Variants in ANKIB1 observed in about 807,000 individuals in gnomAD.
ANKIB1 encodes the protein ankyrin repeat and IBR domain containing 1.
Under a neutral mutation model 122.1 loss-of-function variants are expected in ANKIB1, and 43 were observed. The ratio of observed to expected loss-of-function variants is 0.35; its 90% confidence interval spans 0.28 to 0.45. The LOEUF (loss-of-function observed/expected upper bound fraction) is 0.45. Among genes scored for constraint, ANKIB1 ranks in the 20% least tolerant of loss-of-function variants. The probability of loss-of-function intolerance (pLI) is 1.00; values close to 1 mark genes in which losing one functional copy is unlikely to be tolerated. For missense variants in ANKIB1, 992 were observed against 1,329.5 expected, an observed-to-expected ratio of 0.75 and a Z score of 3.95; for synonymous variants, 390 against 442.0, an observed-to-expected ratio of 0.88 and a Z score of 1.48.
At chr7:92,253,052 A>G (rs1048847422) in intron 1 of ANKIB1, among the ~76,000 whole-genome samples, 2 of 152,174 alleles carry the variant, frequency 1.3e-5, no homozygotes, top group Non-Finnish European at 2.9e-5. Flanking sequence ...TTGTATACAC[A>G]CACATAGGCA....
At chr7:92,386,294 C>G (rs1367312691) in intron 11 of ANKIB1, among the ~76,000 whole-genome samples, 1 of 151,990 alleles carries the variant, frequency 6.6e-6, no homozygotes, top group African/African-American at 2.4e-5. Context: ...TTAATATATC[C>G]CTATAAACAA....
At position 92,294,770 on chromosome 7, in the gene ANKIB1, A is replaced by G. The variant is rs148610597; in HGVS notation, c.-90-119A>G. 126 of 456,028 alleles carry G rather than the reference A, an allele frequency of 2.8e-4. No homozygotes were observed. The East Asian group carries it at 3.6e-3, about 13-fold the overall frequency. 28.2% of individuals were successfully genotyped at this position (456,028 alleles called of 1,614,324 possible). On this transcript the variant is annotated intron_variant, in intron 1 of 19. Coordinates refer to ENST00000265742, the MANE Select transcript of ANKIB1 (RefSeq NM_019004.2). ...TGTTAAGATAAATTTGGTAAAATGT[A>G]ATATAGTTGGTTCCCTTATCGATGA...
intron 5 of ANKIB1, among the ~76,000 whole-genome samples, chr7:92,336,155 T>A (rs1803282758): frequency 6.6e-6 from 1 of 152,082 alleles, no homozygotes; most frequent in Admixed American, 6.6e-5. Flanking sequence ...CCATATGTAT[T>A]TTAAATAAAC....
At chr7:92,278,322 C>G (rs1163965862) in intron 1 of ANKIB1, among the ~76,000 whole-genome samples, 1 of 152,082 alleles carries the variant, frequency 6.6e-6, no homozygotes, top group Non-Finnish European at 1.5e-5. Context: ...GGGCCAGCCT[C>G]TGCTGTCTCG....
At chr7:92,388,131 C>T (rs758240043) in intron 14 of ANKIB1, 90 bp downstream of exon 14, 36 of 1,159,614 alleles carry the variant, frequency 3.1e-5, no homozygotes, top group Admixed American at 1.0e-4. Flanking sequence ...GAAAGGAATA[C>T]ATTATGTTCA....
intron 7 of ANKIB1, 93 bp from the exon 8 acceptor site, chr7:92,350,857 T>A: frequency 1.9e-6 from 2 of 1,046,690 alleles, no homozygotes; most frequent in Non-Finnish European, 1.3e-6. Flanking sequence ...ACCCTGTCTC[T>A]AAAAAAAAAA....
intron 9 of ANKIB1, among the ~76,000 whole-genome samples, chr7:92,359,394 C>T (rs898287463): frequency 1.2e-4 from 19 of 152,164 alleles, no homozygotes; most frequent in Admixed American, 2.0e-4. Context: ...CTGCAAAGGC[C>T]GTGAACTCAT....
chr7:92,374,291 A>G (rs1237587809), intron 11 of ANKIB1, among the ~76,000 whole-genome samples: 1 of 152,206 alleles, frequency 6.6e-6, no homozygotes, highest in Non-Finnish European at 1.5e-5. Flanking sequence ...ATCCTGGCCA[A>G]CATAGTGAAG....
At chr7:92,331,513 A>G (rs779762725) in intron 5 of ANKIB1, among the ~76,000 whole-genome samples, 8 of 151,994 alleles carry the variant, frequency 5.3e-5, no homozygotes, top group Non-Finnish European at 1.0e-4. Flanking sequence ...ACCTCAAGTG[A>G]TCCGCCTGCC....
intron 1 of ANKIB1, among the ~76,000 whole-genome samples, chr7:92,248,370 T>C (rs1422689240): frequency 6.6e-6 from 1 of 152,172 alleles, no homozygotes; most frequent in African/African-American, 2.4e-5. Flanking sequence ...TCTTTTGTAC[T>C]CCTGTGGCAC....
chr7:92,310,755 C>T (rs1453638322), intron 3 of ANKIB1, among the ~76,000 whole-genome samples: 6 of 152,062 alleles, frequency 3.9e-5, no homozygotes, highest in Admixed American at 6.5e-5. Flanking sequence ...ATGTAAGTGT[C>T]GTTAGGGAAT....
chr7:92,379,403 T>A (rs1001453915), intron 11 of ANKIB1, among the ~76,000 whole-genome samples: 20 of 151,926 alleles, frequency 1.3e-4, no homozygotes, highest in African/African-American at 4.4e-4. Flanking sequence ...AAAAAACTAA[T>A]TCAGAAGTTA....
At chr7:92,269,829 G>A (rs1320782981) in intron 1 of ANKIB1, among the ~76,000 whole-genome samples, 2 of 151,322 alleles carry the variant, frequency 1.3e-5, no homozygotes, top group African/African-American at 2.4e-5. Context: ...TAAGTTCTAG[G>A]GTACATGTGT....
At chr7:92,358,539 T>C (rs1274774618) in intron 9 of ANKIB1, among the ~76,000 whole-genome samples, 1 of 66,152 alleles carries the variant, frequency 1.5e-5, no homozygotes, top group East Asian at 2.9e-4. Context: ...AAGAAGTGGC[T>C]TTTTTTTTTT....
At chr7:92,365,900 T>C (rs1222548450) in intron 10 of ANKIB1, among the ~76,000 whole-genome samples, 1 of 140,892 alleles carries the variant, frequency 7.1e-6, no homozygotes, top group Non-Finnish European at 1.5e-5. Flanking sequence ...GGGTTCACTC[T>C]GTTCTCCTGC....
At chr7:92,344,617 A>G (rs1803502668) in intron 6 of ANKIB1, among the ~76,000 whole-genome samples, 2 of 152,156 alleles carry the variant, frequency 1.3e-5, no homozygotes, top group South Asian at 2.1e-4. Flanking sequence ...GGTAGGTGTA[A>G]TGTGAAGGGC....
At chr7:92,361,865 A>G (rs999856786) in intron 9 of ANKIB1, among the ~76,000 whole-genome samples, 2 of 151,744 alleles carry the variant, frequency 1.3e-5, no homozygotes, top group African/African-American at 4.8e-5. Context: ...GCTGGAGTGC[A>G]ATGGTGCAAT....
chr7:92,350,821 C>A, intron 7 of ANKIB1, 129 bp from the exon 8 acceptor site: 1 of 855,056 alleles, frequency 1.2e-6, no homozygotes, highest in Non-Finnish European at 1.7e-6. Context: ...CGTGCCACTG[C>A]ACTCCAACCT....
intron 1 of ANKIB1, among the ~76,000 whole-genome samples, chr7:92,287,122 G>T (rs1406733725): frequency 6.6e-6 from 1 of 152,140 alleles, no homozygotes; most frequent in Non-Finnish European, 1.5e-5. Flanking sequence ...GTTTCTGTAT[G>T]CCTTTCAACC....
Sources: allele counts gnomAD v4.1 joint callset (sites outside exome capture counted in the v4.1 genomes callset), GRCh38; gene constraint gnomAD v4.1.1; transcripts MANE v1.5; gene names NCBI Gene and HGNC (gene_info 2026-07-23, HGNC 2026-07-21).